The following CCDC187 variants were observed in gnomAD, a reference collection of about 807,000 sequenced individuals.
The protein encoded by CCDC187 is coiled-coil domain-containing protein 187.
CCDC187 carries 32 observed loss-of-function variants against 38.0 expected under a neutral mutation model. The ratio of observed to expected loss-of-function variants is 0.84; its 90% CI spans 0.64 to 1.13. The LOEUF is 1.13. CCDC187 is among the 50% of genes most tolerant of loss of function. The pLI is 0.00. For synonymous variants in CCDC187, 333 were observed against 347.9 expected (o/e 0.96, Z 0.48); for missense variants, 707 against 786.8 (o/e 0.90, Z 1.21).
chr9:136,282,763 A>C (rs1391401105), intron 9 of CCDC187, among the ~76,000 whole-genome samples: 1 of 152,168 alleles, frequency 6.6e-6, no homozygotes, highest in Non-Finnish European at 1.5e-5. Flanking sequence ...CCCACCTCCC[A>C]ACCCCCGCCC....
chr9:136,282,024 CAG>C (rs1229364860), intron 9 of CCDC187, among the ~76,000 whole-genome samples: 1 of 152,170 alleles, frequency 6.6e-6, no homozygotes, highest in East Asian at 1.9e-4. Flanking sequence ...CCAGGGGGAA[CAG>C]GGGTGTGCAC....
At chr9:136,266,552 G>A (rs1332180784) in intron 16 of CCDC187, 1 of 152,244 alleles carries the variant, frequency 6.6e-6, no homozygotes, top group Non-Finnish European at 1.5e-5. Flanking sequence ...TTAAGGAAAT[G>A]ATCTCTCTAT....
In CCDC187 at chr9:136,250,348, A is replaced by G. The variant is rs1554759125; in HGVS notation, c.*3246T>C. On this transcript the variant is annotated 3_prime_UTR_variant, in exon 26 of 26. Coordinates refer to ENST00000638797, the MANE Select transcript of CCDC187 (RefSeq NM_001378188.1). The stretch of plus-strand genomic sequence containing the variant: ...TCCCAGGGAAAGTCACGCTGGTTCC[A>G]GCTGTGACTGCAGCCGCCACCGCAT... The G allele has an allele frequency of 5.2e-6, 1 of 193,602 alleles. No individual in the cohort carries two copies. Among genetic ancestry groups the G allele is most frequent in the African/African-American group, 2.4e-5 (1 of 42,152 alleles). The allele number at this position is 193,602 out of a possible 1,614,324, so 12.0% of individuals were successfully genotyped here.
upstream of CCDC187, among the ~76,000 whole-genome samples, chr9:136,305,618 A>C (rs1831790681): frequency 6.6e-6 from 1 of 152,222 alleles, no homozygotes; most frequent in African/African-American, 2.4e-5. Flanking sequence ...AGAAGAGGCC[A>C]AGTCTGGTGG....
chr9:136,302,038 C>T (rs926694481), intron 2 of CCDC187, among the ~76,000 whole-genome samples: 4 of 151,810 alleles, frequency 2.6e-5, no homozygotes, highest in African/African-American at 7.3e-5. Context: ...GGTGAAACCC[C>T]GTCTCTACTA....
At chr9:136,300,571 G>A (rs1019466864) in intron 2 of CCDC187, among the ~76,000 whole-genome samples, 25 of 149,948 alleles carry the variant, frequency 1.7e-4, no homozygotes, top group South Asian at 1.1e-3. Context: ...TGGCCACCAC[G>A]CTTGGCTAAT....
At chr9:136,270,225 A>C (rs1301457331) in intron 14 of CCDC187, among the ~76,000 whole-genome samples, 1 of 152,194 alleles carries the variant, frequency 6.6e-6, no homozygotes, top group East Asian at 1.9e-4. Context: ...GAGAAAGAGA[A>C]AACAGCTGGG....
Position 136,293,309 on chromosome 9 carries a change from A to G in CCDC187, c.833-1014T>C, listed in dbSNP as rs1278742444. Among the ~76,000 whole-genome samples the G allele has an allele frequency of 3.0e-4, 45 of 147,998 alleles. 2 individuals carry two copies. The highest frequency in any genetic ancestry group is 2.9e-3 in the Admixed American group (44 of 14,928). On this transcript the variant is annotated intron_variant, in intron 4 of 25. Coordinates refer to ENST00000638797, the MANE Select transcript of CCDC187 (RefSeq NM_001378188.1). Reference sequence around the variant, plus strand: ...CTCACACACTCACAAACACATGTTCACACACTCACACTCACATGCTTACAC... The same window carrying G: ...CTCACACACTCACAAACACATGTTCGCACACTCACACTCACATGCTTACAC...
chr9:136,295,778 C>G (rs1275544420), intron 4 of CCDC187: 2 of 152,234 alleles, frequency 1.3e-5, no homozygotes, highest in African/African-American at 4.8e-5. Flanking sequence ...GGCATGCCCT[C>G]TGACCCAGTG....
chr9:136,290,692 C>G lies in CCDC187; in HGVS notation c.1921G>C (p.Glu641Gln), dbSNP rs1312266610. ...GPSHSSESLR[E>Q]FMRQKAQARR... ...GCCTGCGCCTTCTGGCGCATGAACT[C>G]CCGCAAGGACTCAGAGCTGTGCGAG... Residue 641 changes from glutamate to glutamine, a missense_variant, in exon 6 of 26, where the codon GAG becomes CAG. Transcript: ENST00000638797. The G allele has an allele frequency of 3.0e-5, 12 of 398,476 alleles. No individual in the cohort carries two copies. Among genetic ancestry groups the G allele is most frequent in the African/African-American group, 2.5e-4 (12 of 48,628 alleles). 24.7% of individuals were successfully genotyped at this position (398,476 alleles called of 1,614,324 possible). A position where few individuals can be genotyped will look rare whatever the true frequency, so the allele number is the denominator to read the frequency against.
Position 136,258,618 on chromosome 9 carries a change from G to A in CCDC187, c.4366+314C>T, listed in dbSNP as rs925851640. On this transcript the variant is annotated intron_variant, in intron 22 of 25. Transcript: ENST00000638797. This position sits in a 1 kb window ranked among gnomAD's most constrained non-coding sequence, Gnocchi z 4.3. ...GCAGAAACCTCCGTCAGCTGAAGACGCTCAGGCAGTGCTGGCTTCCAAACA... is the reference window on the plus strand; with the variant it reads ...GCAGAAACCTCCGTCAGCTGAAGACACTCAGGCAGTGCTGGCTTCCAAACA... 1.4e-5 allele frequency: 11 copies of A among 808,946 alleles called. No homozygotes were observed. The highest frequency in any genetic ancestry group is 3.7e-5 in the African/African-American group (2 of 53,766). 50.1% of individuals were successfully genotyped at this position (808,946 alleles called of 1,614,324 possible).
intron 14 of CCDC187, among the ~76,000 whole-genome samples, chr9:136,270,978 A>T (rs1830830331): frequency 6.6e-6 from 1 of 152,238 alleles, no homozygotes; most frequent in African/African-American, 2.4e-5. Context: ...GTCCATGATC[A>T]TCTCTATATC....
chr9:136,303,367 C>T lies in CCDC187; in HGVS notation c.144-74G>A, dbSNP rs962933314. 2.4e-4 allele frequency: 94 copies of T among 391,592 alleles called. No individual in the cohort carries two copies. The Admixed American group carries it at 2.6e-3, about 11-fold the overall frequency. 24.3% of individuals were successfully genotyped at this position (391,592 alleles called of 1,614,324 possible). The stretch of plus-strand genomic sequence containing the variant: ...GCCGAGCAGAGCCGCTCAGACTGGC[C>T]CCACCTCCCCGGGCATTCCTGCTCC... On this transcript the variant is annotated intron_variant, in intron 1 of 25. Transcript: ENST00000638797.
chr9:136,261,576 G>T (rs1398695059), intron 19 of CCDC187, among the ~76,000 whole-genome samples: 1 of 152,232 alleles, frequency 6.6e-6, no homozygotes, highest in Non-Finnish European at 1.5e-5. Context: ...ACTGGCAACT[G>T]GTTGCAATGT....
At position 136,258,921 on chromosome 9, in the gene CCDC187, AG is replaced by A. The variant is rs1270139803; in HGVS notation, c.4366+10del. On this transcript the variant is annotated intron_variant, in intron 22 of 25. Coordinates refer to ENST00000638797, the MANE Select transcript of CCDC187 (RefSeq NM_001378188.1). The surrounding 1 kb of genome is among the most constrained non-coding windows in gnomAD (Gnocchi z 4.3). ...CCGTGGAGGCCCACGCGGTGTTTCC[AG>A]GGTGCTTACCTGGGGGTGGCTCCTT... 6.1e-6 allele frequency: 6 copies of A among 985,372 alleles called. No individual in the cohort carries two copies. The Admixed American group carries it at 3.7e-4, about 61-fold the overall frequency. The allele number at this position is 985,372 out of a possible 1,614,324, so 61.0% of individuals were successfully genotyped here.
At chr9:136,298,617 C>T (rs1831595032) in intron 3 of CCDC187, among the ~76,000 whole-genome samples, 1 of 152,260 alleles carries the variant, frequency 6.6e-6, no homozygotes, top group Non-Finnish European at 1.5e-5. Flanking sequence ...CCAAACGCCA[C>T]TTGGTCCAGG....
At position 136,286,091 on chromosome 9, in the gene CCDC187, G is replaced by A. The variant is rs1831172786; in HGVS notation, c.2827C>T (p.Pro943Ser). 23 of 398,530 alleles carry A rather than the reference G, an allele frequency of 5.8e-5. No homozygotes were observed. In the South Asian group the frequency reaches 2.2e-3, roughly 38 times the overall value. The allele number at this position is 398,530 out of a possible 1,614,324, so 24.7% of individuals were successfully genotyped here. A position where few individuals can be genotyped will look rare whatever the true frequency, so the allele number is the denominator to read the frequency against. Residue 943 changes from proline (P) to serine (S), a missense_variant, in exon 8 of 26, where the codon CCC (proline) becomes TCC (serine). Physicochemically the swap from Pro to Ser is moderately conservative, Grantham distance 74. Transcript: ENST00000638797. Reference sequence around the variant, plus strand: ...GTCCCGGGTGCCGGCCTACCTCGGGGCTTGCTCTCGCAGTGGGCCCTCGGG... The same window carrying A: ...GTCCCGGGTGCCGGCCTACCTCGGGACTTGCTCTCGCAGTGGGCCCTCGGG... ...VSPRAHCESK[P>S]RGFPEEGHVD...
chr9:136,284,721 G>A (rs1292657949), intron 9 of CCDC187, among the ~76,000 whole-genome samples: 4 of 148,144 alleles, frequency 2.7e-5, no homozygotes, highest in Non-Finnish European at 6.0e-5. Context: ...TTGGTGGGGG[G>A]CAGGTGTGGA....
chr9:136,291,508 G>C lies in CCDC187; in HGVS notation c.1105C>G (p.Gln369Glu), dbSNP rs1831329879. 2.5e-6 allele frequency: 1 copy of C among 398,600 alleles called. No homozygotes were observed. The highest frequency in any genetic ancestry group is 2.1e-5 in the African/African-American group (1 of 48,628). The allele number at this position is 398,600 out of a possible 1,614,324, so 24.7% of individuals were successfully genotyped here. A position where few individuals can be genotyped will look rare whatever the true frequency, so the allele number is the denominator to read the frequency against. Residue 369 changes from glutamine to glutamate, a missense_variant, in exon 6 of 26, where the codon CAG becomes GAG. Transcript: ENST00000638797. ...TCTTGTAGGATGGCCATGGCCGTCT[G>C]TATGGTCGCTGGCTGGTCGAAGGAA... ...LASFDQPATIQTAMAILQDLR... is the reference protein window; with the variant it reads ...LASFDQPATIETAMAILQDLR...
Sources: gnomAD v4.1 joint callset for allele counts (sites outside exome capture counted in the v4.1 genomes callset) on GRCh38, gnomAD v4.1.1 for gene constraint, Gnocchi (gnomAD v3.1) non-coding constraint, MANE v1.5 for transcripts, NCBI Gene and HGNC (gene_info 2026-07-23, HGNC 2026-07-21) for gene names.